RBMS3: variants seen among roughly 807,000 people sequenced by gnomAD.
RBMS3 encodes RNA-binding motif, single-stranded-interacting protein 3.
In RBMS3, 27 loss-of-function variants were observed where a neutral mutation model predicts 66.8. That is an observed-to-expected ratio of 0.40 (90% CI 0.30 to 0.56). The LOEUF is 0.56. Among genes scored for constraint, RBMS3 ranks in the 20% least tolerant of loss-of-function variants. RBMS3 has a pLI of 0.40. For missense variants in RBMS3, 513 were observed against 549.5 expected, an observed-to-expected ratio of 0.93 and a Z score of 0.66; for synonymous variants, 188 against 183.0, an observed-to-expected ratio of 1.03 and a Z score of -0.22.
chr3:29,535,126 C>T (rs974253045), intron 3 of RBMS3, among the ~76,000 whole-genome samples: 4 of 152,014 alleles, frequency 2.6e-5, no homozygotes, highest in South Asian at 2.1e-4. Flanking sequence ...GATGGAATTC[C>T]GTTGTCAGAA....
intron 1 of RBMS3, among the ~76,000 whole-genome samples, chr3:29,382,072 C>T (rs1472875771): frequency 1.3e-5 from 2 of 152,096 alleles, no homozygotes; most frequent in Admixed American, 1.3e-4. Flanking sequence ...CATTTCCTTG[C>T]AGTTTTGAAT....
At chr3:29,584,797 T>C (rs988971373) in intron 3 of RBMS3, among the ~76,000 whole-genome samples, 7 of 152,102 alleles carry the variant, frequency 4.6e-5, no homozygotes, top group Non-Finnish European at 1.0e-4. Context: ...CCCTATTTCA[T>C]TGCCAGCTGC....
intron 4 of RBMS3, among the ~76,000 whole-genome samples, chr3:29,700,168 C>T (rs1290768411): frequency 1.3e-5 from 2 of 152,156 alleles, no homozygotes; most frequent in African/African-American, 2.4e-5. Flanking sequence ...TCCTTTGATT[C>T]CAGGAACACT....
At chr3:29,398,807 T>C (rs1220592640) in intron 1 of RBMS3, among the ~76,000 whole-genome samples, 3 of 133,950 alleles carry the variant, frequency 2.2e-5, no homozygotes, top group Non-Finnish European at 5.0e-5. Flanking sequence ...TCAACCAGTC[T>C]ATTTTTATAG....
intron 2 of RBMS3, among the ~76,000 whole-genome samples, chr3:29,486,980 A>C (rs2125829058): frequency 6.6e-6 from 1 of 151,922 alleles, no homozygotes; most frequent in East Asian, 1.9e-4. Context: ...TTGGTGTGGA[A>C]AAAAAAGATG....
rs183750792 is a variant in RBMS3, at chr3:29,609,659, C to T, written c.399+22454C>T. Among the ~76,000 whole-genome samples, 251 of 152,084 alleles carry T rather than the reference C, an allele frequency of 1.7e-3. 1 individual carries two copies. Among genetic ancestry groups the T allele is most frequent in the African/African-American group, 5.6e-3 (232 of 41,520 alleles). On this transcript the variant is annotated intron_variant, in intron 4 of 14. Transcript: ENST00000383767. ...CAGGGAGCCTCTTGTTGCCTCTGTG[C>T]CTGGCAAAAGGCCTGATACATGGTA...
intron 1 of RBMS3, among the ~76,000 whole-genome samples, chr3:29,333,259 C>A (rs2035767166): frequency 6.6e-6 from 1 of 152,084 alleles, no homozygotes. Context: ...ATGGCATAAT[C>A]CTACCTGGTA....
chr3:29,914,802 G>A (rs183296139), intron 10 of RBMS3, among the ~76,000 whole-genome samples: 377 of 151,998 alleles, frequency 2.5e-3, no homozygotes, highest in Non-Finnish European at 3.0e-3. Flanking sequence ...AGCAGTTGAT[G>A]TAAAGGTTTC....
At chr3:29,971,533 A>T (rs897233516) in intron 12 of RBMS3, among the ~76,000 whole-genome samples, 3 of 152,096 alleles carry the variant, frequency 2.0e-5, no homozygotes, top group African/African-American at 7.2e-5. Context: ...ATTCAATTTA[A>T]AAAAAGAAGC....
In RBMS3 at chr3:29,949,250, A is replaced by G. The variant is rs572185052; in HGVS notation, c.1098+4996A>G. 9.9e-5 allele frequency among the ~76,000 whole-genome samples: 15 copies of G among 151,620 alleles called. No homozygotes were observed. The East Asian group carries it at 2.7e-3, about 28-fold the overall frequency. Reference sequence around the variant, plus strand: ...ATGGGATAGGTGGGTGTAAAATTCTATGCCTCATCTTCTAATCCAGCAAGC... The same window carrying G: ...ATGGGATAGGTGGGTGTAAAATTCTGTGCCTCATCTTCTAATCCAGCAAGC... On this transcript the variant is annotated intron_variant, in intron 12 of 14. Coordinates refer to ENST00000383767, the MANE Select transcript of RBMS3 (RefSeq NM_001003793.3).
intron 3 of RBMS3, among the ~76,000 whole-genome samples, chr3:29,562,082 A>T (rs911833470): frequency 1.3e-5 from 2 of 152,128 alleles, no homozygotes; most frequent in African/African-American, 4.8e-5. Context: ...TAGTTATTCA[A>T]CTTTAGCATC....
chr3:29,833,889 AT>A (rs1157472870), intron 6 of RBMS3, among the ~76,000 whole-genome samples: 1 of 152,094 alleles, frequency 6.6e-6, no homozygotes, highest in African/African-American at 2.4e-5. Context: ...TTAAAATCAA[AT>A]TGTCAAAAAT....
chr3:29,386,791 T>C (rs988049538), intron 1 of RBMS3, among the ~76,000 whole-genome samples: 4 of 152,214 alleles, frequency 2.6e-5, no homozygotes, highest in Non-Finnish European at 5.9e-5. Flanking sequence ...ACTTCCTTTC[T>C]TCCTGTTCTC....
intron 2 of RBMS3, among the ~76,000 whole-genome samples, chr3:29,443,936 G>A (rs1358380649): frequency 6.6e-6 from 1 of 152,128 alleles, no homozygotes; most frequent in African/African-American, 2.4e-5. Context: ...CTCTTAGCTG[G>A]AGCGAATATG....
chr3:29,351,913 C>T (rs2036938332), intron 1 of RBMS3, among the ~76,000 whole-genome samples: 1 of 152,028 alleles, frequency 6.6e-6, no homozygotes, highest in Admixed American at 6.6e-5. Context: ...TACACACACA[C>T]ACGTACCTGT....
chr3:29,640,927 C>G (rs2049680363), intron 4 of RBMS3, among the ~76,000 whole-genome samples: 1 of 151,906 alleles, frequency 6.6e-6, no homozygotes, highest in African/African-American at 2.4e-5. Flanking sequence ...AATGATTCTT[C>G]CTACTTCATA....
intron 1 of RBMS3, among the ~76,000 whole-genome samples, chr3:29,358,329 C>T (rs2037352977): frequency 6.6e-6 from 1 of 152,124 alleles, no homozygotes; most frequent in Non-Finnish European, 1.5e-5. Context: ...TTGATTTTGT[C>T]AGGTTTGTTA....
chr3:29,569,952 C>A (rs2149064741), intron 3 of RBMS3, among the ~76,000 whole-genome samples: 1 of 128,702 alleles, frequency 7.8e-6, no homozygotes, highest in Admixed American at 8.7e-5. Flanking sequence ...TTATAGAGAT[C>A]CATATTTACC....
At chr3:29,884,422 T>TTCCCTCTCTCTC in intron 8 of RBMS3, among the ~76,000 whole-genome samples, 1 of 41,882 alleles carries the variant, frequency 2.4e-5, no homozygotes, top group African/African-American at 1.0e-4. Context: ...TTAAACCCTG[T>TTCCCTCTCTCTC]TCTCTCTCTC....
Sources: allele counts gnomAD v4.1 joint callset (sites outside exome capture counted in the v4.1 genomes callset), GRCh38; gene constraint gnomAD v4.1.1; transcripts MANE v1.5; gene names NCBI Gene and HGNC (gene_info 2026-07-23, HGNC 2026-07-21).